OR51B5: variants seen among roughly 807,000 people sequenced by gnomAD.
The protein encoded by OR51B5 is olfactory receptor 51B5.
For missense variants in OR51B5, 456 were observed against 374.6 expected, an observed-to-expected ratio of 1.22 and a Z score of -1.79; for synonymous variants, 186 against 144.8, an observed-to-expected ratio of 1.28 and a Z score of -2.04.
intron 1 of OR51B5, among the ~76,000 whole-genome samples, chr11:5,399,568 T>C (rs1849935837): frequency 6.6e-6 from 1 of 152,282 alleles, no homozygotes; most frequent in Non-Finnish European, 1.5e-5. Context: ...TCCCACATTC[T>C]ACTTTTTTTC....
chr11:5,358,704 A>G (rs188308284), intron 1 of OR51B5, among the ~76,000 whole-genome samples: 105 of 152,198 alleles, frequency 6.9e-4, no homozygotes, highest in African/African-American at 2.5e-3. Context: ...AGAGAATTTT[A>G]GACCAATATC....
intron 1 of OR51B5, among the ~76,000 whole-genome samples, chr11:5,477,471 T>C (rs571686663): frequency 8.5e-4 from 129 of 152,226 alleles, no homozygotes; most frequent in African/African-American, 3.0e-3. Flanking sequence ...TCTGTCTCAG[T>C]TTATTACAAA....
intron 1 of OR51B5, among the ~76,000 whole-genome samples, chr11:5,416,270 C>G (rs1381847360): frequency 7.1e-6 from 1 of 140,226 alleles, no homozygotes; most frequent in Admixed American, 7.3e-5. Flanking sequence ...ATTGATGGGA[C>G]GTATCTCAAA....
chr11:5,461,595 C>G (rs1298917818), intron 1 of OR51B5, among the ~76,000 whole-genome samples: 2 of 152,162 alleles, frequency 1.3e-5, no homozygotes, highest in Non-Finnish European at 2.9e-5. Context: ...CATCCATGGC[C>G]ATACTCCACT....
chr11:5,475,319 T>A (rs1851287168), intron 1 of OR51B5, among the ~76,000 whole-genome samples: 1 of 152,208 alleles, frequency 6.6e-6, no homozygotes, highest in Non-Finnish European at 1.5e-5. Context: ...TTACATTGAA[T>A]ATATTCAATC....
intron 1 of OR51B5, among the ~76,000 whole-genome samples, chr11:5,451,518 C>T (rs1167415701): frequency 6.6e-6 from 1 of 152,138 alleles, no homozygotes; most frequent in African/African-American, 2.4e-5. Context: ...GCTCTAAGAC[C>T]AGAAGGGACA....
At position 5,445,966 on chromosome 11, in the gene OR51B5, G is replaced by A. The variant is rs530048539; in HGVS notation, n.84+59603C>T. 7.9e-5 allele frequency among the ~76,000 whole-genome samples: 12 copies of A among 152,124 alleles called. No individual in the cohort carries two copies. The East Asian group carries it at 2.1e-3, about 27-fold the overall frequency. ...TCATGTCCTTTGTAGGGACATGGAT[G>A]AAGCTGGAAACCATCATTCTCAGCA... On this transcript the variant is annotated intron_variant and non_coding_transcript_variant, in intron 1 of 4. Transcript: ENST00000415970.
intron 1 of OR51B5, among the ~76,000 whole-genome samples, chr11:5,468,146 C>T (rs201441157): frequency 3.5e-4 from 54 of 152,240 alleles, no homozygotes; most frequent in African/African-American, 9.6e-4. Context: ...CATTATATAA[C>T]GAATGTATGC....
chr11:5,452,504 C>CAAAAAAAAAAAA (rs56677841), intron 1 of OR51B5, among the ~76,000 whole-genome samples: 16 of 69,216 alleles, frequency 2.3e-4, no homozygotes, highest in East Asian at 7.3e-4. Context: ...GACTCTGTCT[C>CAAAAAAAAAAAA]AAAAAAAAAA....
rs898077322 is a variant in OR51B5, at chr11:5,458,024, T to C, written n.84+47545A>G. 4.6e-5 allele frequency among the ~76,000 whole-genome samples: 7 copies of C among 152,334 alleles called. No individual in the cohort carries two copies. In the East Asian group the frequency reaches 1.2e-3, roughly 25 times the overall value. On this transcript the variant is annotated intron_variant and non_coding_transcript_variant, in intron 1 of 4. Transcript: ENST00000415970. ...GCAACGGCTTTTGGAGATTTCATCA[T>C]GAAATATTTCCCAAGGCCTTTGTCC...
chr11:5,397,308 G>C (rs1849891337), intron 1 of OR51B5, among the ~76,000 whole-genome samples: 1 of 152,108 alleles, frequency 6.6e-6, no homozygotes, highest in Non-Finnish European at 1.5e-5. Context: ...CTACTCATCT[G>C]ACAAAGGGCT....
chr11:5,457,341 A>G (rs376552857), intron 1 of OR51B5, among the ~76,000 whole-genome samples: 2 of 152,300 alleles, frequency 1.3e-5, no homozygotes, highest in African/African-American at 4.8e-5. Flanking sequence ...ATAGTATTCC[A>G]TGGTATATAT....
chr11:5,404,696 T>C (rs977947517), intron 1 of OR51B5, among the ~76,000 whole-genome samples: 9 of 152,338 alleles, frequency 5.9e-5, no homozygotes, highest in Middle Eastern at 3.4e-3. Flanking sequence ...GGCTGCTCAC[T>C]CTTTGGGTCT....
In OR51B5 at chr11:5,462,294, A is replaced by G. The variant is rs181495717; in HGVS notation, n.84+43275T>C. Among the ~76,000 whole-genome samples, 198 of 152,288 alleles carry G rather than the reference A, an allele frequency of 1.3e-3. 1 individual carries two copies. Among genetic ancestry groups the G allele is most frequent in the Non-Finnish European group, 1.6e-3 (107 of 68,018 alleles). ...CAACAGAAGGGTTAAGAGAACTAGA[A>G]TCTAATGCAGAATGAAAAAAATACA... On this transcript the variant is annotated intron_variant and non_coding_transcript_variant, in intron 1 of 4. Coordinates refer to the OR51B5 transcript ENST00000415970.
chr11:5,476,987 T>A (rs1178181481), intron 1 of OR51B5, among the ~76,000 whole-genome samples: 1 of 152,216 alleles, frequency 6.6e-6, no homozygotes, highest in Non-Finnish European at 1.5e-5. Context: ...AGATCTACTG[T>A]ACAAAATAAT....
In OR51B5 at chr11:5,390,452, G is replaced by C. The variant is rs376266097; in HGVS notation, n.85-43542C>G. ...TTGGACTGAAAATTTGGAGTATTGA[G>C]TATATAGCATGCTCTTAAAGATTTT... On this transcript the variant is annotated intron_variant and non_coding_transcript_variant, in intron 1 of 4. Coordinates refer to the OR51B5 transcript ENST00000415970. 1.9e-4 allele frequency: 237 copies of C among 1,280,728 alleles called. 1 individual carries two copies. The African/African-American group carries it at 3.2e-3, about 17-fold the overall frequency. The allele number at this position is 1,280,728 out of a possible 1,614,324, so 79.3% of individuals were successfully genotyped here.
chr11:5,351,608 T>C (rs1385439945), intron 1 of OR51B5: 1 of 1,614,094 alleles, frequency 6.2e-7, no homozygotes, highest in South Asian at 1.1e-5. Context: ...GCAGCCTACA[T>C]CTCCATACTT....
chr11:5,487,652 C>T (rs866123410), intron 1 of OR51B5, among the ~76,000 whole-genome samples: 3 of 152,318 alleles, frequency 2.0e-5, no homozygotes, highest in Middle Eastern at 3.4e-3. Context: ...AGCTATCCCT[C>T]TACAGCAAGA....
chr11:5,504,006 A>G (rs948671582), intron 1 of OR51B5, among the ~76,000 whole-genome samples: 1 of 152,140 alleles, frequency 6.6e-6, no homozygotes, highest in Admixed American at 6.5e-5. Flanking sequence ...GGATACTACT[A>G]ATATCTGCGC....
Sources: allele counts gnomAD v4.1 joint callset (sites outside exome capture counted in the v4.1 genomes callset), GRCh38; gene constraint gnomAD v4.1.1; transcripts MANE v1.5; gene names NCBI Gene and HGNC (gene_info 2026-07-23, HGNC 2026-07-21).